PRKCB: variants seen among roughly 807,000 people sequenced by gnomAD.
PRKCB encodes the protein protein kinase C beta type.
Under a neutral mutation model 81.5 loss-of-function variants are expected in PRKCB, and 13 were observed. That is an observed-to-expected ratio of 0.16 (90% CI 0.10 to 0.25). The LOEUF (loss-of-function observed/expected upper bound fraction) is 0.25. Among genes scored for constraint, PRKCB ranks in the 10% least tolerant of loss-of-function variants. The pLI, the probability that PRKCB is intolerant of heterozygous loss-of-function variation, is 1.00. For synonymous variants in PRKCB, 335 were observed against 321.4 expected (o/e 1.04, Z -0.45); for missense variants, 509 against 875.7 (o/e 0.58, Z 5.29).
intron 5 of PRKCB, among the ~76,000 whole-genome samples, chr16:24,044,376 A>C (rs563509126): frequency 8.1e-4 from 124 of 152,272 alleles, no homozygotes; most frequent in African/African-American, 2.9e-3. Flanking sequence ...AAAAGAAAAG[A>C]AAAGACTGAA....
chr16:24,194,949 A>G (rs1967856852), intron 16 of PRKCB, among the ~76,000 whole-genome samples: 1 of 152,196 alleles, frequency 6.6e-6, no homozygotes, highest in Admixed American at 6.5e-5. Context: ...CATGCCTGTA[A>G]TCCCCACACT....
intron 8 of PRKCB, among the ~76,000 whole-genome samples, chr16:24,113,930 C>T (rs1323035705): frequency 6.6e-6 from 1 of 151,818 alleles, no homozygotes; most frequent in Non-Finnish European, 1.5e-5. Context: ...AAGAAGTAGA[C>T]AGAGGGCCGG....
At chr16:24,126,215 G>A (rs1264356516) in intron 9 of PRKCB, among the ~76,000 whole-genome samples, 2 of 151,072 alleles carry the variant, frequency 1.3e-5, no homozygotes, top group African/African-American at 4.9e-5. Context: ...TGGGAAAAAG[G>A]GAGTTTAGAA....
At chr16:23,879,882 C>T (rs1186603267) in intron 2 of PRKCB, among the ~76,000 whole-genome samples, 3 of 152,180 alleles carry the variant, frequency 2.0e-5, no homozygotes, top group Non-Finnish European at 4.4e-5. Context: ...AATCCTAGCT[C>T]TGCTGTTTTT....
At chr16:24,107,137 A>G (rs2141912546) in intron 7 of PRKCB, among the ~76,000 whole-genome samples, 1 of 152,140 alleles carries the variant, frequency 6.6e-6, no homozygotes, top group South Asian at 2.1e-4. Flanking sequence ...CAGTGATTAT[A>G]TTTTTCTTCC....
chr16:24,066,009 A>G (rs1448568765), intron 5 of PRKCB, among the ~76,000 whole-genome samples: 1 of 150,990 alleles, frequency 6.6e-6, no homozygotes, highest in Admixed American at 6.6e-5. Context: ...TGTTGCCTTT[A>G]TGCAATCTGT....
chr16:24,111,396 G>A (rs1000036163), intron 7 of PRKCB: 35 of 152,092 alleles, frequency 2.3e-4, no homozygotes, highest in Admixed American at 2.1e-3. Flanking sequence ...AATGCTTTTA[G>A]AATGTCCCTT....
chr16:24,151,441 A>G (rs1298370725), intron 9 of PRKCB, among the ~76,000 whole-genome samples: 1 of 152,246 alleles, frequency 6.6e-6, no homozygotes, highest in African/African-American at 2.4e-5. Flanking sequence ...TGCTAAGCAA[A>G]TAACAGTTTA....
At chr16:24,179,816 T>A in intron 12 of PRKCB, among the ~76,000 whole-genome samples, 1 of 152,234 alleles carries the variant, frequency 6.6e-6, no homozygotes, top group East Asian at 1.9e-4. Context: ...ATAATCATGC[T>A]TACAGAGTAA....
chr16:23,954,877 C>T (rs1964329343), intron 2 of PRKCB, among the ~76,000 whole-genome samples: 1 of 152,108 alleles, frequency 6.6e-6, no homozygotes, highest in Admixed American at 6.5e-5. Context: ...CACGATGAAA[C>T]CCTGTCTCTA....
intron 2 of PRKCB, among the ~76,000 whole-genome samples, chr16:23,985,833 A>G (rs1964796549): frequency 6.6e-6 from 1 of 152,218 alleles, no homozygotes; most frequent in Non-Finnish European, 1.5e-5. Flanking sequence ...TTACAGAGCT[A>G]CTATAATTAA....
At chr16:23,857,415 A>G (rs1174891053) in intron 2 of PRKCB, among the ~76,000 whole-genome samples, 3 of 152,186 alleles carry the variant, frequency 2.0e-5, no homozygotes, top group Non-Finnish European at 4.4e-5. Context: ...AGATGTGGGA[A>G]CAGTATGCCA....
At chr16:23,888,450 T>C (rs1963238893) in intron 2 of PRKCB, among the ~76,000 whole-genome samples, 1 of 152,126 alleles carries the variant, frequency 6.6e-6, no homozygotes, top group South Asian at 2.1e-4. Context: ...GAGGAGAACA[T>C]TTAGGGCCAT....
At chr16:24,006,331 G>C (rs1046688768) in intron 3 of PRKCB, among the ~76,000 whole-genome samples, 1 of 152,214 alleles carries the variant, frequency 6.6e-6, no homozygotes, top group Admixed American at 6.5e-5. Context: ...TTGTGGTGCA[G>C]TTCTAAAGGA....
chr16:24,220,326 G>C lies in PRKCB; in HGVS notation c.*5510G>C, dbSNP rs974101168. On this transcript the variant is annotated 3_prime_UTR_variant, in exon 17 of 17. Coordinates refer to ENST00000643927, the MANE Select transcript of PRKCB (RefSeq NM_002738.7). ...AGAATAAGCGCATTATCCAATTATA[G>C]AGGTACAATTTTCCAAACTTCCAGA... 1.2e-5 allele frequency: 6 copies of C among 485,578 alleles called. No individual in the cohort carries two copies. The highest frequency in any genetic ancestry group is 4.4e-5 in the South Asian group (1 of 22,750). The allele number at this position is 485,578 out of a possible 1,614,324, so 30.1% of individuals were successfully genotyped here.
At chr16:23,868,325 G>C (rs1962842523) in intron 2 of PRKCB, among the ~76,000 whole-genome samples, 1 of 152,192 alleles carries the variant, frequency 6.6e-6, no homozygotes, top group Admixed American at 6.5e-5. Context: ...TAGACAGCTG[G>C]CATAAGCAAG....
chr16:24,203,531 T>G (rs1172972194), intron 16 of PRKCB, among the ~76,000 whole-genome samples: 2 of 152,104 alleles, frequency 1.3e-5, no homozygotes, highest in African/African-American at 4.8e-5. Context: ...CACAAGAACT[T>G]TGGGAGAACA....
chr16:23,872,801 T>A (rs12929938), intron 2 of PRKCB, among the ~76,000 whole-genome samples: 72,810 of 151,728 alleles, frequency 0.48, 18,213 homozygotes, highest in East Asian at 0.62. Context: ...GCTGCCATTA[T>A]TATTATTATT....
At chr16:24,016,004 A>C (rs1470226283) in intron 3 of PRKCB, among the ~76,000 whole-genome samples, 1 of 152,192 alleles carries the variant, frequency 6.6e-6, no homozygotes, top group African/African-American at 2.4e-5. Flanking sequence ...GCTTGTACTT[A>C]TTGAGTGCCT....
Sources: allele counts gnomAD v4.1 joint callset (sites outside exome capture counted in the v4.1 genomes callset), GRCh38; gene constraint gnomAD v4.1.1; transcripts MANE v1.5; gene names NCBI Gene and HGNC (gene_info 2026-07-23, HGNC 2026-07-21).